PFKFB3: variants seen among roughly 807,000 people sequenced by gnomAD.
PFKFB3 encodes 6-phosphofructo-2-kinase/fructose-2,6-bisphosphatase 3.
PFKFB3 carries 33 observed loss-of-function variants against 68.0 expected under a neutral mutation model. The observed-to-expected ratio is 0.49, with a 90% CI of 0.37 to 0.65. The LOEUF is 0.65. PFKFB3 is among the 30% of genes least tolerant of loss of function. The probability of loss-of-function intolerance (pLI) is 0.00; values close to 1 mark genes in which losing one functional copy is unlikely to be tolerated. For synonymous variants in PFKFB3, 315 were observed against 288.2 expected (o/e 1.09, Z -0.94); for missense variants, 586 against 712.2 (o/e 0.82, Z 2.02).
At chr10:6,232,351 C>T (rs1006590020) in intron 14 of PFKFB3, among the ~76,000 whole-genome samples, 5 of 152,126 alleles carry the variant, frequency 3.3e-5, no homozygotes, top group African/African-American at 4.8e-5. Flanking sequence ...TTAACAACAC[C>T]CCTCTGCCTG....
chr10:6,165,614 A>AG (rs1392144152), intron 1 of PFKFB3, among the ~76,000 whole-genome samples: 1 of 152,100 alleles, frequency 6.6e-6, no homozygotes, highest in Non-Finnish European at 1.5e-5. Flanking sequence ...TGTTAGTGGG[A>AG]GAATAGTGGA....
chr10:6,251,839 G>A (rs1327786563), intron 14 of PFKFB3, among the ~76,000 whole-genome samples: 2 of 152,060 alleles, frequency 1.3e-5, no homozygotes, highest in Non-Finnish European at 2.9e-5. Context: ...GTGGTGGCGG[G>A]TGCCTATAAT....
chr10:6,188,765 C>T (rs541813394), intron 1 of PFKFB3, among the ~76,000 whole-genome samples: 105 of 151,092 alleles, frequency 6.9e-4, no homozygotes, highest in Non-Finnish European at 1.1e-3. Flanking sequence ...TGGCCTGCTT[C>T]GCTTAGCAAA....
At chr10:6,231,151 G>A (rs1476187843) in intron 14 of PFKFB3, 1 of 819,894 alleles carries the variant, frequency 1.2e-6, no homozygotes, top group Non-Finnish European at 2.0e-6. Context: ...CATTTGTGAT[G>A]CAACCTTCAT....
At chr10:6,163,080 A>C (rs1227863285) in intron 1 of PFKFB3, among the ~76,000 whole-genome samples, 1 of 152,132 alleles carries the variant, frequency 6.6e-6, no homozygotes, top group African/African-American at 2.4e-5. Flanking sequence ...TTTCCCCAGG[A>C]ATGTTGTCTT....
At chr10:6,216,643 C>A in intron 4 of PFKFB3, 63 bp from the exon 5 acceptor site, 4 of 1,132,330 alleles carry the variant, frequency 3.5e-6, no homozygotes, top group South Asian at 1.2e-5. Flanking sequence ...CTTTGCTGTT[C>A]TGGTAAACGT....
At chr10:6,268,110 C>G in the PFKFB3 span, among the ~76,000 whole-genome samples, 1 of 152,078 alleles carries the variant, frequency 6.6e-6, no homozygotes, top group East Asian at 1.9e-4. Context: ...TCCCCTCCCC[C>G]ACGCCACTTC....
At chr10:6,197,273 G>A (rs557165751) in intron 1 of PFKFB3, among the ~76,000 whole-genome samples, 8 of 152,266 alleles carry the variant, frequency 5.3e-5, no homozygotes, top group African/African-American at 1.7e-4. Context: ...CACAGCACCT[G>A]GCCTTACAGT....
At chr10:6,314,859 G>A in the PFKFB3 span, among the ~76,000 whole-genome samples, 486 of 152,208 alleles carry the variant, frequency 3.2e-3, 4 homozygotes, top group African/African-American at 0.011. Context: ...CTCCTGGGCT[G>A]GGTCCTACCC....
intron 14 of PFKFB3, chr10:6,231,617 G>A (rs1845748470): frequency 9.2e-6 from 9 of 981,408 alleles, no homozygotes; most frequent in Non-Finnish European, 1.1e-5. Context: ...ACAGGTTGGA[G>A]CCAGCAGATG....
chr10:6,205,667 A>G lies in PFKFB3; in HGVS notation c.76+2331A>G, dbSNP rs574711408. On this transcript the variant is annotated intron_variant, in intron 1 of 14. Transcript: ENST00000379775. Reference sequence around the variant, plus strand: ...CTCAGCCTCCCAAAGTGCTGGGATTATAGGCATGAGCCACCACGCCCAGCT... The same window carrying G: ...CTCAGCCTCCCAAAGTGCTGGGATTGTAGGCATGAGCCACCACGCCCAGCT... Among the ~76,000 whole-genome samples, 100 of 152,248 alleles carry G rather than the reference A, an allele frequency of 6.6e-4. 1 individual carries two copies. The highest frequency in any genetic ancestry group is 1.2e-3 in the Non-Finnish European group (80 of 68,012).
chr10:6,231,141 C>A, intron 14 of PFKFB3: 1 of 752,242 alleles, frequency 1.3e-6, no homozygotes. Context: ...GATCACCTGG[C>A]ATTTGTGATG....
chr10:6,170,196 A>T (rs1223660738), intron 1 of PFKFB3, among the ~76,000 whole-genome samples: 1 of 152,238 alleles, frequency 6.6e-6, no homozygotes. Flanking sequence ...TTTAATCCCC[A>T]AACAGAGGTG....
At chr10:6,188,498 G>A (rs537638095) in intron 1 of PFKFB3, among the ~76,000 whole-genome samples, 2 of 151,634 alleles carry the variant, frequency 1.3e-5, no homozygotes, top group East Asian at 3.9e-4. Context: ...CGATAAAAAT[G>A]TGTGACACAA....
the PFKFB3 span, among the ~76,000 whole-genome samples, chr10:6,266,361 CT>C: frequency 1.3e-5 from 2 of 152,304 alleles, no homozygotes; most frequent in East Asian, 3.9e-4. Context: ...CTCTCCTCTT[CT>C]GCTTTGAGGA....
At chr10:6,260,926 G>A in the PFKFB3 span, among the ~76,000 whole-genome samples, 3 of 152,200 alleles carry the variant, frequency 2.0e-5, no homozygotes, top group Non-Finnish European at 2.9e-5. Flanking sequence ...ATGTAAATGG[G>A]AGGTGGTAGG....
chr10:6,215,330 C>T lies in PFKFB3; in HGVS notation c.299+13C>T, dbSNP rs376358226. ...TGAAAGTCCGGAAGTAAGGCTGGGCCGCGGGCGTAGGGCTGGGCTGTGGGA... is the reference window on the plus strand; with the variant it reads ...TGAAAGTCCGGAAGTAAGGCTGGGCTGCGGGCGTAGGGCTGGGCTGTGGGA... On this transcript the variant is annotated intron_variant, in intron 3 of 14. Transcript: ENST00000379775. This position sits in a 1 kb window ranked among gnomAD's most constrained non-coding sequence, Gnocchi z 4.3. 5.9e-5 allele frequency: 95 copies of T among 1,601,936 alleles called. No homozygotes were observed. In the Admixed American group the frequency reaches 6.0e-4, roughly 10 times the overall value.
At chr10:6,289,954 C>A in the PFKFB3 span, among the ~76,000 whole-genome samples, 2,322 of 151,878 alleles carry the variant, frequency 0.015, 43 homozygotes, top group African/African-American at 0.049. Context: ...GTATTTTATT[C>A]TCTTTGAAGC....
chr10:6,321,089 A>G, the PFKFB3 span, among the ~76,000 whole-genome samples: 16 of 152,086 alleles, frequency 1.1e-4, no homozygotes, highest in Non-Finnish European at 5.9e-5. Flanking sequence ...TTTAAATGTA[A>G]AGTTGACCTT....
Sources: allele counts gnomAD v4.1 joint callset (sites outside exome capture counted in the v4.1 genomes callset), GRCh38; gene constraint gnomAD v4.1.1; non-coding constraint Gnocchi (gnomAD v3.1); transcripts MANE v1.5; gene names NCBI Gene and HGNC (gene_info 2026-07-23, HGNC 2026-07-21).